The following RCSD1 variants were observed in gnomAD, a reference collection of about 807,000 sequenced individuals.
RCSD1 encodes the protein capZ-interacting protein.
In RCSD1, 26 loss-of-function variants were observed where a neutral mutation model predicts 42.5. The ratio of observed to expected loss-of-function variants is 0.61; its 90% CI spans 0.45 to 0.85. The LOEUF is 0.85. Ranked by LOEUF, RCSD1 falls within the 40% of genes least tolerant of loss-of-function variation. The pLI, the probability that RCSD1 is intolerant of heterozygous loss-of-function variation, is 0.00. For missense variants in RCSD1, 571 were observed against 528.3 expected, an observed-to-expected ratio of 1.08 and a Z score of -0.79; for synonymous variants, 220 against 212.2, an observed-to-expected ratio of 1.04 and a Z score of -0.32.
chr1:167,652,285 G>A (rs1658331516), intron 1 of RCSD1, among the ~76,000 whole-genome samples: 1 of 152,170 alleles, frequency 6.6e-6, no homozygotes. Context: ...GCCTCCCAAA[G>A]TGCTGGGATT....
At chr1:167,645,904 G>A (rs569532207) in intron 1 of RCSD1, among the ~76,000 whole-genome samples, 2 of 152,290 alleles carry the variant, frequency 1.3e-5, no homozygotes, top group South Asian at 4.1e-4. Flanking sequence ...CTTGCAGAGT[G>A]GGGCTCACGG....
intron 1 of RCSD1, among the ~76,000 whole-genome samples, chr1:167,642,655 G>T (rs535096776): frequency 6.6e-6 from 1 of 152,190 alleles, no homozygotes; most frequent in Non-Finnish European, 1.5e-5. Context: ...TAGCCTAGGT[G>T]GCTCTTGGGA....
chr1:167,697,151 G>T lies in RCSD1; in HGVS notation c.527G>T (p.Arg176Met). The T allele has an allele frequency of 6.2e-7, 1 of 1,614,170 alleles. No homozygotes were observed. Among genetic ancestry groups the T allele is most frequent in the Non-Finnish European group, 8.5e-7 (1 of 1,180,040 alleles). The change falls in exon 6 of 7, where the codon AGG (arginine) becomes ATG (methionine). Residue 176 changes from arginine to methionine, a missense_variant. Coordinates refer to ENST00000367854, the MANE Select transcript of RCSD1 (RefSeq NM_052862.4). ...CGCCCTCCCTCCAGGCGATTCCGAA[G>T]GTCACAGTCAGACTGTGGAGAACTT... ...KRRPPSRRFR[R>M]SQSDCGELGD... is the part of the protein sequence containing the mutation.
intron 1 of RCSD1, among the ~76,000 whole-genome samples, chr1:167,668,899 T>C (rs1278370736): frequency 6.6e-6 from 1 of 152,204 alleles, no homozygotes; most frequent in Non-Finnish European, 1.5e-5. Flanking sequence ...TGTCTGTATA[T>C]CTAGGCATTC....
chr1:167,651,488 G>A (rs896750992), intron 1 of RCSD1, among the ~76,000 whole-genome samples: 1 of 152,196 alleles, frequency 6.6e-6, no homozygotes, highest in Non-Finnish European at 1.5e-5. Context: ...AACTCTCCTC[G>A]CACGCCGACC....
chr1:167,631,761 C>T (rs572075825), intron 1 of RCSD1, among the ~76,000 whole-genome samples: 2 of 152,340 alleles, frequency 1.3e-5, no homozygotes, highest in South Asian at 2.1e-4. Flanking sequence ...GCTGGATTTG[C>T]AGGCATGAGC....
chr1:167,633,236 G>A (rs2102191118), intron 1 of RCSD1, among the ~76,000 whole-genome samples: 1 of 152,302 alleles, frequency 6.6e-6, no homozygotes, highest in Admixed American at 6.5e-5. Context: ...CCTTTTAAAA[G>A]CTCACAACCC....
intron 1 of RCSD1, chr1:167,663,712 C>T (rs1210140732): frequency 6.6e-6 from 1 of 152,292 alleles, no homozygotes; most frequent in Non-Finnish European, 1.5e-5. Flanking sequence ...ATCCCTGCCA[C>T]CCCCTTAGAA....
chr1:167,654,792 C>T (rs543696947), intron 1 of RCSD1, among the ~76,000 whole-genome samples: 1 of 152,234 alleles, frequency 6.6e-6, no homozygotes, highest in African/African-American at 2.4e-5. Flanking sequence ...GAGGTGATGG[C>T]AGCCTGAAGT....
chr1:167,671,182 T>A (rs1658798298), intron 1 of RCSD1, among the ~76,000 whole-genome samples: 2 of 152,202 alleles, frequency 1.3e-5, no homozygotes, highest in African/African-American at 2.4e-5. Context: ...ACTGAGTAGT[T>A]CATTCAATAA....
At chr1:167,639,497 T>A (rs1002159936) in intron 1 of RCSD1, among the ~76,000 whole-genome samples, 1 of 152,082 alleles carries the variant, frequency 6.6e-6, no homozygotes, top group African/African-American at 2.4e-5. Flanking sequence ...TTTTTTTCTT[T>A]GTTTGTTTGT....
chr1:167,659,085 T>C (rs781282537), intron 1 of RCSD1, among the ~76,000 whole-genome samples: 9 of 152,156 alleles, frequency 5.9e-5, no homozygotes, highest in African/African-American at 2.2e-4. Flanking sequence ...TCCCTCTCCT[T>C]CCCACCGCCC....
intron 3 of RCSD1, 40 bp from the exon 4 acceptor site, chr1:167,690,009 A>G (rs1042902485): frequency 6.2e-7 from 1 of 1,603,864 alleles, no homozygotes; most frequent in African/African-American, 1.3e-5. Context: ...CACTTTCCTC[A>G]CCTTACTTAT....
intron 3 of RCSD1, 136 bp from the exon 4 acceptor site, chr1:167,689,913 A>T: frequency 1.3e-6 from 1 of 750,668 alleles, no homozygotes; most frequent in East Asian, 2.5e-5. Context: ...CTAATGAAGT[A>T]TGTGGGCTAC....
At chr1:167,677,375 C>T (rs748375862) in intron 1 of RCSD1, among the ~76,000 whole-genome samples, 9 of 152,196 alleles carry the variant, frequency 5.9e-5, no homozygotes, top group Non-Finnish European at 1.0e-4. Flanking sequence ...TCTTCTGGCC[C>T]TAAGCCATGT....
intron 1 of RCSD1, among the ~76,000 whole-genome samples, chr1:167,667,169 G>A (rs1658678966): frequency 6.6e-6 from 1 of 152,170 alleles, no homozygotes; most frequent in Non-Finnish European, 1.5e-5. Flanking sequence ...CTTCAAGGGA[G>A]GGGGCGCCTA....
rs571856235 is a variant in RCSD1 at position 167,677,043 on chromosome 1, A to G, written c.7-6857A>G. Among the ~76,000 whole-genome samples, 16 of 152,338 alleles carry G rather than the reference A, an allele frequency of 1.1e-4. No individual in the cohort carries two copies. The South Asian group carries it at 2.7e-3, about 26-fold the overall frequency. Reference sequence around the variant, plus strand: ...TGCCATTTTCAGATCCTTAAAGCCTACAAGTGGTTAGGTAGGGGACATCTG... The same window carrying G: ...TGCCATTTTCAGATCCTTAAAGCCTGCAAGTGGTTAGGTAGGGGACATCTG... On this transcript the variant is annotated intron_variant, in intron 1 of 6. Transcript: ENST00000367854.
At position 167,704,670 on chromosome 1, in the gene RCSD1, A is replaced by C. The variant is rs200953339; in HGVS notation, c.1225A>C (p.Thr409Pro). The change falls in exon 7 of 7, where the codon ACT becomes CCT. Residue 409 changes from threonine to proline, a missense_variant. Thr to Pro is a conservative substitution (Grantham distance 38). Coordinates refer to ENST00000367854, the MANE Select transcript of RCSD1 (RefSeq NM_052862.4). ...EPAVPKPEDD[T>P]PVQDTKM is the part of the protein sequence containing the mutation. ...TTTCCTCCCCTGTTCACAGGATGAC[A>C]CTCCTGTCCAGGACACTAAAATGTG... The C allele has an allele frequency of 6.2e-7, 1 of 1,612,564 alleles. No individual in the cohort carries two copies. Among genetic ancestry groups the C allele is most frequent in the Non-Finnish European group, 8.5e-7 (1 of 1,178,904 alleles).
At chr1:167,635,761 T>A (rs765011343) in intron 1 of RCSD1, among the ~76,000 whole-genome samples, 18 of 152,142 alleles carry the variant, frequency 1.2e-4, no homozygotes, top group Non-Finnish European at 2.2e-4. Context: ...AATAAAACAA[T>A]CTTTAACTGC....
Sources: allele counts gnomAD v4.1 joint callset (sites outside exome capture counted in the v4.1 genomes callset), GRCh38; gene constraint gnomAD v4.1.1; transcripts MANE v1.5; gene names NCBI Gene and HGNC (gene_info 2026-07-23, HGNC 2026-07-21).